CNTNAP3B: variants seen among roughly 807,000 people sequenced by gnomAD.
The protein encoded by CNTNAP3B is contactin associated protein family member 3B.
In CNTNAP3B, 25 loss-of-function variants were observed where a neutral mutation model predicts 108.9. The ratio of observed to expected loss-of-function variants is 0.23; its 90% CI spans 0.17 to 0.32. The LOEUF (loss-of-function observed/expected upper bound fraction) is 0.32. Among genes scored for constraint, CNTNAP3B ranks in the 10% least tolerant of loss-of-function variants. CNTNAP3B has a pLI of 1.00. For synonymous variants in CNTNAP3B, 103 were observed against 473.4 expected (o/e 0.22, Z 10.16); for missense variants, 252 against 1,210.4 (o/e 0.21, Z 11.75).
rs1179569294 is a variant in CNTNAP3B at position 42,076,325 on chromosome 9, C to A, written c.390+544G>T. Among the ~76,000 whole-genome samples, 6 of 127,322 alleles carry A rather than the reference C, an allele frequency of 4.7e-5. 1 individual carries two copies. The East Asian group carries it at 1.5e-3, about 31-fold the overall frequency. 83.5% of individuals were successfully genotyped at this position (127,322 alleles called of 152,430 possible). On this transcript the variant is annotated intron_variant, in intron 3 of 23. Coordinates refer to ENST00000377561, the MANE Select transcript of CNTNAP3B (RefSeq NM_001201380.3). ...CCTGTAGTCCCAGCTACTAAGGAGG[C>A]TGATGCAGAAGAATTGTTTGAACCT...
rs1239673098 is a variant in CNTNAP3B, at chr9:42,129,351, C to G, written c.-257G>C. On this transcript the variant is annotated 5_prime_UTR_variant, in exon 1 of 24. Transcript: ENST00000377561. ...GGAGCCTGGGGGCCGCGCGGCGCCG[C>G]CCCAGGCACGGAGGCGGCAGGTTCA... is the stretch of plus-strand genomic sequence containing the variant. The G allele has an allele frequency of 5.4e-6, 2 of 371,240 alleles. No homozygotes were observed. Among genetic ancestry groups the G allele is most frequent in the Non-Finnish European group, 8.1e-6 (2 of 248,032 alleles). The allele number at this position is 371,240 out of a possible 1,614,324, so 23.0% of individuals were successfully genotyped here. A position where few individuals can be genotyped will look rare whatever the true frequency, so the allele number is the denominator to read the frequency against.
At chr9:41,942,748 T>G (rs1824397644) in intron 13 of CNTNAP3B, among the ~76,000 whole-genome samples, 1 of 152,252 alleles carries the variant, frequency 6.6e-6, no homozygotes, top group South Asian at 2.1e-4. Flanking sequence ...CTGTCAATTT[T>G]AGACCCTATT....
intron 1 of CNTNAP3B, among the ~76,000 whole-genome samples, chr9:42,120,695 C>T (rs1191492775): frequency 7.4e-6 from 1 of 135,242 alleles, no homozygotes; most frequent in African/African-American, 3.0e-5. Context: ...AGCTGGAAAC[C>T]ATCATTCTCA....
intron 10 of CNTNAP3B, among the ~76,000 whole-genome samples, chr9:41,968,950 C>A (rs1407211204): frequency 6.6e-6 from 1 of 152,352 alleles, no homozygotes; most frequent in East Asian, 1.9e-4. Flanking sequence ...GCGCCCGCCA[C>A]CATGCCTGGC....
At chr9:41,942,319 C>T (rs1186459527) in intron 13 of CNTNAP3B, among the ~76,000 whole-genome samples, 1 of 152,122 alleles carries the variant, frequency 6.6e-6, no homozygotes, top group East Asian at 1.9e-4. Context: ...ACTAAAAATA[C>T]AAAAAATTGG....
chr9:42,041,868 A>G (rs1479495148), intron 3 of CNTNAP3B, among the ~76,000 whole-genome samples: 1 of 145,480 alleles, frequency 6.9e-6, no homozygotes, highest in Non-Finnish European at 1.5e-5. Flanking sequence ...TGGATTAAGA[A>G]AATGTGGCAC....
At chr9:41,963,246 A>T (rs1373425999) in intron 11 of CNTNAP3B, among the ~76,000 whole-genome samples, 2 of 152,392 alleles carry the variant, frequency 1.3e-5, no homozygotes, top group East Asian at 3.9e-4. Context: ...GGAACTCAGG[A>T]TGAGCAAGTG....
chr9:42,056,281 G>C (rs1397580208), intron 3 of CNTNAP3B, among the ~76,000 whole-genome samples: 13 of 135,692 alleles, frequency 9.6e-5, no homozygotes, highest in African/African-American at 3.7e-4. Flanking sequence ...GTTTTAATTT[G>C]CATTTCTTTA....
At position 42,128,131 on chromosome 9, in the gene CNTNAP3B, C is replaced by T. The variant is rs1828611940; in HGVS notation, c.85+879G>A. On this transcript the variant is annotated intron_variant, in intron 1 of 23. Coordinates refer to ENST00000377561, the MANE Select transcript of CNTNAP3B (RefSeq NM_001201380.3). ...TTAATCAAGAAAGAAAGACGACTCT[C>T]TGATAGAGATTTACTCCAAGCCGAA... 1.4e-5 allele frequency among the ~76,000 whole-genome samples: 2 copies of T among 138,238 alleles called. 1 individual carries two copies. The highest frequency in any genetic ancestry group is 3.1e-5 in the Non-Finnish European group (2 of 64,838). 90.7% of individuals were successfully genotyped at this position (138,238 alleles called of 152,430 possible). A position where few individuals can be genotyped will look rare whatever the true frequency, so the allele number is the denominator to read the frequency against.
intron 15 of CNTNAP3B, among the ~76,000 whole-genome samples, chr9:41,927,679 TA>T (rs1281419749): frequency 2.6e-5 from 4 of 151,284 alleles, no homozygotes; most frequent in Non-Finnish European, 5.9e-5. Context: ...TTCAGTAAAA[TA>T]AGAGCTAAAA....
intron 9 of CNTNAP3B, among the ~76,000 whole-genome samples, chr9:41,983,987 CT>C (rs1267857056): frequency 1.0e-5 from 1 of 98,632 alleles, no homozygotes; most frequent in Non-Finnish European, 2.1e-5. Context: ...CGGTGCAGAG[CT>C]TGCAGTGAGC....
At chr9:41,968,309 C>G (rs1013105906) in intron 10 of CNTNAP3B, among the ~76,000 whole-genome samples, 4 of 142,296 alleles carry the variant, frequency 2.8e-5, no homozygotes, top group Non-Finnish European at 6.1e-5. Context: ...CCCCTTAACT[C>G]AGAGAGAGAT....
intron 15 of CNTNAP3B, 47 bp downstream of exon 15, chr9:41,929,270 C>T (rs1823907600): frequency 2.1e-6 from 3 of 1,460,276 alleles, no homozygotes; most frequent in Admixed American, 2.3e-5. Context: ...CCTTTATAAC[C>T]AAAAAAAGTT....
chr9:41,982,459 ACTC>A (rs1825648196), intron 9 of CNTNAP3B, among the ~76,000 whole-genome samples: 2 of 126,552 alleles, frequency 1.6e-5, no homozygotes, highest in East Asian at 2.5e-4. Context: ...CATAAGAAAA[ACTC>A]CTCAGCATCA....
chr9:41,959,680 C>G (rs1423650292), intron 12 of CNTNAP3B, among the ~76,000 whole-genome samples: 1 of 152,306 alleles, frequency 6.6e-6, no homozygotes, highest in African/African-American at 2.4e-5. Context: ...GCAGGTGGCT[C>G]TGAATCTTCT....
In CNTNAP3B at chr9:41,924,107, A is replaced by C. The variant is rs1206023115; in HGVS notation, c.2366-14T>G. The C allele has an allele frequency of 6.2e-7, 1 of 1,611,656 alleles. No individual in the cohort carries two copies. Among genetic ancestry groups the C allele is most frequent in the East Asian group, 2.2e-5 (1 of 44,902 alleles). ...TCCAAAATGACTCTGTTTACAATAG[A>C]GAAAACGACAAAAGGAAAAAAAGTC... On this transcript the variant is annotated splice_polypyrimidine_tract_variant and intron_variant, in intron 15 of 23. Transcript: ENST00000377561.
intron 11 of CNTNAP3B, among the ~76,000 whole-genome samples, chr9:41,961,802 C>G (rs1196649128): frequency 1.3e-5 from 2 of 152,302 alleles, no homozygotes. Context: ...TGTAAATTTA[C>G]TCTAGCATAA....
intron 9 of CNTNAP3B, among the ~76,000 whole-genome samples, chr9:41,977,730 C>T (rs1168808638): frequency 7.7e-6 from 1 of 129,624 alleles, no homozygotes; most frequent in South Asian, 2.6e-4. Flanking sequence ...TGCCATTCTC[C>T]TGCCTCAGCC....
At position 42,002,856 on chromosome 9, in the gene CNTNAP3B, T is replaced by A. The variant is rs1018987443; in HGVS notation, c.539-4252A>T. Among the ~76,000 whole-genome samples the A allele has an allele frequency of 2.8e-4, 38 of 135,140 alleles. 12 individuals carry two copies. Among genetic ancestry groups the A allele is most frequent in the African/African-American group, 1.1e-3 (36 of 33,526 alleles). The allele number at this position is 135,140 out of a possible 152,430, so 88.7% of individuals were successfully genotyped here. A position where few individuals can be genotyped will look rare whatever the true frequency, so the allele number is the denominator to read the frequency against. On this transcript the variant is annotated intron_variant, in intron 4 of 23. Transcript: ENST00000377561. ...ACATAAGTAATTTTGAGTTGCTATT[T>A]CCTTTATTTCCTTACGCCATATTTT...
Sources: gnomAD v4.1 joint callset for allele counts (sites outside exome capture counted in the v4.1 genomes callset) on GRCh38, gnomAD v4.1.1 for gene constraint, MANE v1.5 for transcripts, NCBI Gene and HGNC (gene_info 2026-07-23, HGNC 2026-07-21) for gene names.